The following RNF144B variants were observed in gnomAD, a reference collection of about 807,000 sequenced individuals.
The protein encoded by RNF144B is ring finger protein 144B, also known as E3 ubiquitin-protein ligase RNF144B.
Under a neutral mutation model 40.2 loss-of-function variants are expected in RNF144B, and 25 were observed. That is an observed-to-expected ratio of 0.62 (90% CI 0.45 to 0.87). RNF144B has a LOEUF of 0.87. RNF144B is among the 40% of genes least tolerant of loss of function. RNF144B has a pLI of 0.00. For missense variants in RNF144B, 365 were observed against 373.7 expected, an observed-to-expected ratio of 0.98 and a Z score of 0.19; for synonymous variants, 145 against 136.3, an observed-to-expected ratio of 1.06 and a Z score of -0.44.
At position 18,448,716 on chromosome 6, in the gene RNF144B, A is replaced by ACACACACC. The variant is rs765398332; in HGVS notation, c.332-8438_332-8437insACACACCC. On this transcript the variant is annotated intron_variant, in intron 4 of 7. Transcript: ENST00000259939. This position sits in a 1 kb window ranked among gnomAD's most constrained non-coding sequence, Gnocchi z 4.0. ...CACACACACACACACACACACACAC[A>ACACACACC]CCCCACCCCCAAGATAGAACCAGCA... Among the ~76,000 whole-genome samples, 8,528 of 147,440 alleles carry ACACACACC rather than the reference A, an allele frequency of 0.058. 315 individuals carry two copies. Among genetic ancestry groups the ACACACACC allele is most frequent in the Non-Finnish European group, 0.079 (5,230 of 66,332 alleles).
At chr6:18,401,632 T>C (rs187389894) in intron 2 of RNF144B, among the ~76,000 whole-genome samples, 125 of 152,354 alleles carry the variant, frequency 8.2e-4, no homozygotes, top group Admixed American at 1.2e-3. Flanking sequence ...TTATTTCTTG[T>C]TTTTAAAAAA....
At chr6:18,445,020 T>C (rs1359875476) in intron 4 of RNF144B, among the ~76,000 whole-genome samples, 1 of 148,804 alleles carries the variant, frequency 6.7e-6, no homozygotes, top group African/African-American at 2.4e-5. Context: ...TAGTTTCTTT[T>C]AGTGTTTTTT....
chr6:18,440,969 A>G (rs1758950899), intron 4 of RNF144B, among the ~76,000 whole-genome samples: 1 of 152,072 alleles, frequency 6.6e-6, no homozygotes, highest in African/African-American at 2.4e-5. Flanking sequence ...GATGTGAAGT[A>G]GGAAATAGTT....
intron 2 of RNF144B, among the ~76,000 whole-genome samples, chr6:18,409,673 C>A (rs1794995943): frequency 6.7e-6 from 1 of 149,448 alleles, no homozygotes; most frequent in African/African-American, 2.5e-5. Context: ...TGGGTTCACG[C>A]AGTTCTCCTG....
At position 18,427,682 on chromosome 6, in the gene RNF144B, T is replaced by C; in HGVS notation, c.267T>C (p.Ala89=). The change falls in exon 3 of 8, where the codon GCT becomes GCC. Residue 89 remains alanine (A), a synonymous_variant. Transcript: ENST00000259939. ...VCLNHGTLQE[A]EIACLVPVDQ... ...TAAACCACGGGACCCTGCAGGAAGCTGAGGTATGAATGACTACCATCATCT... is the reference window on the plus strand; with the variant it reads ...TAAACCACGGGACCCTGCAGGAAGCCGAGGTATGAATGACTACCATCATCT... 6.3e-7 allele frequency: 1 copy of C among 1,598,546 alleles called. No individual in the cohort carries two copies. Among genetic ancestry groups the C allele is most frequent in the South Asian group, 1.1e-5 (1 of 90,682 alleles).
rs1009274002 is a variant in RNF144B at position 18,434,708 on chromosome 6, G to A, written c.271-4976G>A. Reference sequence around the variant, plus strand: ...GCGATCTCGGCTCACTGCAAGCTCCGCCTCCCAGGTTCATGCCATTCTGCT... The same window carrying A: ...GCGATCTCGGCTCACTGCAAGCTCCACCTCCCAGGTTCATGCCATTCTGCT... On this transcript the variant is annotated intron_variant, in intron 3 of 7. Transcript: ENST00000259939. The surrounding 1 kb of genome is among the most constrained non-coding windows in gnomAD (Gnocchi z 4.1). Among the ~76,000 whole-genome samples, 11 of 152,012 alleles carry A rather than the reference G, an allele frequency of 7.2e-5. No individual in the cohort carries two copies. Among genetic ancestry groups the A allele is most frequent in the African/African-American group, 2.4e-4 (10 of 41,392 alleles).
At position 18,425,707 on chromosome 6, in the gene RNF144B, T is replaced by G. The variant is rs1758533923; in HGVS notation, c.166-1874T>G. On this transcript the variant is annotated intron_variant, in intron 2 of 7. Transcript: ENST00000259939. This position sits in a 1 kb window ranked among gnomAD's most constrained non-coding sequence, Gnocchi z 4.2. ...CAGAGGATCCCTGTTCCCAGATACC[T>G]TTTATTCCTGAATTTATACTAAATC... Among the ~76,000 whole-genome samples, 1 of 152,196 alleles carries G rather than the reference T, an allele frequency of 6.6e-6. No individual in the cohort carries two copies. The highest frequency in any genetic ancestry group is 2.4e-5 in the African/African-American group (1 of 41,438).
chr6:18,410,590 A>T lies in RNF144B; in HGVS notation c.165+10891A>T, dbSNP rs1050635901. Among the ~76,000 whole-genome samples, 3 of 152,046 alleles carry T rather than the reference A, an allele frequency of 2.0e-5. No individual in the cohort carries two copies. The highest frequency in any genetic ancestry group is 4.4e-5 in the Non-Finnish European group (3 of 68,006). On this transcript the variant is annotated intron_variant, in intron 2 of 7. Coordinates refer to ENST00000259939, the MANE Select transcript of RNF144B (RefSeq NM_182757.4). This position sits in a 1 kb window ranked among gnomAD's most constrained non-coding sequence, Gnocchi z 4.6. Reference sequence around the variant, plus strand: ...GAAGAGTGACCTGCTGAGGAACCAAACCGGAAGATGTTCCTGGGACACATT... The same window carrying T: ...GAAGAGTGACCTGCTGAGGAACCAATCCGGAAGATGTTCCTGGGACACATT...
In RNF144B at chr6:18,447,484, TGTC is replaced by T. The variant is rs1759110170; in HGVS notation, c.331+7743_331+7745del. On this transcript the variant is annotated intron_variant, in intron 4 of 7. Transcript: ENST00000259939. The surrounding 1 kb of genome is among the most constrained non-coding windows in gnomAD (Gnocchi z 5.6). ...CATTGGAGGGTTTGGATCAGGGGAA[TGTC>T]GTGAAATGATTTCCATTTTAGAAGA... is the stretch of plus-strand genomic sequence containing the variant. Among the ~76,000 whole-genome samples, 1 of 152,196 alleles carries T rather than the reference TGTC, an allele frequency of 6.6e-6. No homozygotes were observed. The highest frequency in any genetic ancestry group is 2.4e-5 in the African/African-American group (1 of 41,450).
rs150365368 is a variant in RNF144B at position 18,405,969 on chromosome 6, C to T, written c.165+6270C>T. 3.2e-4 allele frequency: 161 copies of T among 503,486 alleles called. No individual in the cohort carries two copies. Among genetic ancestry groups the T allele is most frequent in the African/African-American group, 2.7e-3 (141 of 51,582 alleles). The allele number at this position is 503,486 out of a possible 1,614,324, so 31.2% of individuals were successfully genotyped here. Reference sequence around the variant, plus strand: ...TTAGATCTTCTAGTTCCCCCACCCTCCTAATGAAAGAAGTCATTTTCTGGG... The same window carrying T: ...TTAGATCTTCTAGTTCCCCCACCCTTCTAATGAAAGAAGTCATTTTCTGGG... On this transcript the variant is annotated intron_variant, in intron 2 of 7. Transcript: ENST00000259939. This position sits in a 1 kb window ranked among gnomAD's most constrained non-coding sequence, Gnocchi z 4.5.
At chr6:18,463,564 C>T (rs1298352246) in intron 7 of RNF144B, among the ~76,000 whole-genome samples, 184 bp downstream of exon 7, 2 of 152,314 alleles carry the variant, frequency 1.3e-5, no homozygotes, top group East Asian at 1.9e-4. Flanking sequence ...AATTCATGAG[C>T]ACAGTCTCCT....
At chr6:18,437,409 G>C (rs1167926946) in intron 3 of RNF144B, among the ~76,000 whole-genome samples, 1 of 152,106 alleles carries the variant, frequency 6.6e-6, no homozygotes, top group Non-Finnish European at 1.5e-5. Flanking sequence ...CTGCACTCCA[G>C]CCTGGGTTGA....
At chr6:18,453,097 T>C (rs1200679081) in intron 4 of RNF144B, among the ~76,000 whole-genome samples, 1 of 151,134 alleles carries the variant, frequency 6.6e-6, no homozygotes, top group Non-Finnish European at 1.5e-5. Context: ...TATATATACA[T>C]GTTTTTATAA....
At chr6:18,407,736 A>G (rs1452094364) in intron 2 of RNF144B, among the ~76,000 whole-genome samples, 1 of 152,164 alleles carries the variant, frequency 6.6e-6, no homozygotes, top group Non-Finnish European at 1.5e-5. Flanking sequence ...CACTAGCTGC[A>G]TATTATTTGA....
Position 18,464,845 on chromosome 6 carries a change from C to A in RNF144B, c.772-82C>A. The A allele has an allele frequency of 1.5e-6, 2 of 1,364,482 alleles. No homozygotes were observed. Among genetic ancestry groups the A allele is most frequent in the Non-Finnish European group, 2.1e-6 (2 of 972,468 alleles). The allele number at this position is 1,364,482 out of a possible 1,614,324, so 84.5% of individuals were successfully genotyped here. On this transcript the variant is annotated intron_variant, in intron 7 of 7. Coordinates refer to ENST00000259939, the MANE Select transcript of RNF144B (RefSeq NM_182757.4). The surrounding 1 kb of genome is among the most constrained non-coding windows in gnomAD (Gnocchi z 6.1). The stretch of plus-strand genomic sequence containing the variant: ...CAGGGGGACACAAACATTTGGCCCA[C>A]AGCAGATAACAGTATAGTTGGAATA...
chr6:18,394,416 G>A (rs745999115), intron 1 of RNF144B, among the ~76,000 whole-genome samples: 10 of 152,056 alleles, frequency 6.6e-5, no homozygotes, highest in Non-Finnish European at 1.0e-4. Context: ...TGGTCAATAT[G>A]GTGAAACCTC....
chr6:18,387,779 A>G (rs749775832), intron 1 of RNF144B, 149 bp downstream of exon 1: 1 of 486,092 alleles, frequency 2.1e-6, no homozygotes, highest in African/African-American at 2.1e-5. Context: ...AACTGAATTC[A>G]TTCTGAATGC....
At chr6:18,430,479 T>A (rs1758667239) in intron 3 of RNF144B, among the ~76,000 whole-genome samples, 1 of 73,762 alleles carries the variant, frequency 1.4e-5, no homozygotes, top group African/African-American at 5.0e-5. Flanking sequence ...TTTTCTTGCT[T>A]CTTGCTTTCT....
intron 3 of RNF144B, among the ~76,000 whole-genome samples, chr6:18,431,424 C>T (rs1307452227): frequency 3.9e-5 from 6 of 152,106 alleles, no homozygotes; most frequent in African/African-American, 1.2e-4. Context: ...ATACCACACA[C>T]ATGAATTGGA....
Sources: allele counts gnomAD v4.1 joint callset (sites outside exome capture counted in the v4.1 genomes callset), GRCh38; gene constraint gnomAD v4.1.1; non-coding constraint Gnocchi (gnomAD v3.1); transcripts MANE v1.5; gene names NCBI Gene and HGNC (gene_info 2026-07-23, HGNC 2026-07-21).